The following MBNL2 variants were observed in gnomAD, a reference collection of about 807,000 sequenced individuals.
MBNL2 encodes the protein muscleblind like splicing regulator 2.
Under a neutral mutation model 41.9 loss-of-function variants are expected in MBNL2, and 17 were observed. That is an observed-to-expected ratio of 0.41 (90% CI 0.28 to 0.61). The LOEUF (loss-of-function observed/expected upper bound fraction) is 0.61, where lower values mean the gene tolerates loss of function less well. Among genes scored for constraint, MBNL2 ranks in the 20% least tolerant of loss-of-function variants. The pLI is 0.35. For synonymous variants in MBNL2, 195 were observed against 182.9 expected, an observed-to-expected ratio of 1.07 and a Z score of -0.53; for missense variants, 336 against 505.6, an observed-to-expected ratio of 0.66 and a Z score of 3.22.
intron 2 of MBNL2, among the ~76,000 whole-genome samples, chr13:97,308,087 C>T (rs1218897568): frequency 6.6e-6 from 1 of 152,210 alleles, no homozygotes; most frequent in African/African-American, 2.4e-5. Context: ...TTCCTTGTAT[C>T]ACTCATTAAA....
At chr13:97,236,267 C>T (rs2043256532) in intron 1 of MBNL2, among the ~76,000 whole-genome samples, 1 of 152,138 alleles carries the variant, frequency 6.6e-6, no homozygotes, top group South Asian at 2.1e-4. Context: ...GTGACAGTTG[C>T]TGCAAGAAAA....
chr13:97,356,803 C>A lies in MBNL2; in HGVS notation c.812C>A (p.Ser271Ter). ...GCTGCCTGTTATTAAAAGACTCAGT[C>A]GACTGCCAAAGCAATGAAGCGACCT... ...AAAAATVMTQ[S>*]TAKAMKRPLE... Residue 271 changes from serine to a stop codon, truncating the protein, a stop_gained, in exon 6 of 9, where the codon TCG becomes TAG. Coordinates refer to ENST00000679496, the MANE Select transcript of MBNL2 (RefSeq NM_001382683.1). LOFTEE classifies it high-confidence loss of function. The A allele has an allele frequency of 2.9e-6, 4 of 1,362,760 alleles. No homozygotes were observed. The South Asian group carries it at 4.5e-5, about 15-fold the overall frequency. The allele number at this position is 1,362,760 out of a possible 1,614,324, so 84.4% of individuals were successfully genotyped here. A position where few individuals can be genotyped will look rare whatever the true frequency, so the allele number is the denominator to read the frequency against.
At chr13:97,274,625 C>T (rs2051796338) in intron 1 of MBNL2, among the ~76,000 whole-genome samples, 1 of 152,176 alleles carries the variant, frequency 6.6e-6, no homozygotes, top group Non-Finnish European at 1.5e-5. Context: ...TTTAGAAAGA[C>T]ATCAAGGCTC....
At chr13:97,373,683 G>A (rs2064637352) in intron 8 of MBNL2, among the ~76,000 whole-genome samples, 1 of 151,564 alleles carries the variant, frequency 6.6e-6, no homozygotes, top group Non-Finnish European at 1.5e-5. Context: ...TTGGATCTAT[G>A]AGAACAATAT....
At chr13:97,262,133 G>A (rs6491344) in intron 1 of MBNL2, among the ~76,000 whole-genome samples, 103,966 of 152,142 alleles carry the variant, frequency 0.68, 35,707 homozygotes, top group African/African-American at 0.71. Flanking sequence ...TCAGGATCCC[G>A]CAGGCACCAA....
At chr13:97,230,544 G>A (rs529809677) in intron 1 of MBNL2, among the ~76,000 whole-genome samples, 36 of 152,336 alleles carry the variant, frequency 2.4e-4, no homozygotes, top group Admixed American at 2.2e-3. Context: ...CTCACACCTC[G>A]TGAAAGAAGG....
chr13:97,208,687 C>A, the MBNL2 span, among the ~76,000 whole-genome samples: 16 of 152,252 alleles, frequency 1.1e-4, no homozygotes, highest in African/African-American at 3.6e-4. Context: ...CAAAGATTAT[C>A]CAAAGGTGAG....
chr13:97,208,992 G>A, the MBNL2 span, among the ~76,000 whole-genome samples: 1 of 152,200 alleles, frequency 6.6e-6, no homozygotes, highest in African/African-American at 2.4e-5. Flanking sequence ...TGATCAAACT[G>A]TGAGTGGTTT....
the MBNL2 span, among the ~76,000 whole-genome samples, chr13:97,195,158 C>T: frequency 6.6e-6 from 1 of 152,156 alleles, no homozygotes; most frequent in East Asian, 1.9e-4. Context: ...GCAGCCATAT[C>T]AATCTGGAGG....
Position 97,334,120 on chromosome 13 carries a change from A to G in MBNL2, c.175-156A>G, listed in dbSNP as rs1288362582. ...GTAATGTTTGATTCACTTTTCCCCA[A>G]CAAACACATGAGCATGCGCGCGCAC... is the stretch of plus-strand genomic sequence containing the variant. On this transcript the variant is annotated intron_variant, in intron 2 of 8. Coordinates refer to ENST00000679496, the MANE Select transcript of MBNL2 (RefSeq NM_001382683.1). The surrounding 1 kb of genome is among the most constrained non-coding windows in gnomAD (Gnocchi z 5.3). Among the ~76,000 whole-genome samples, 2 of 148,320 alleles carry G rather than the reference A, an allele frequency of 1.3e-5. No homozygotes were observed. The highest frequency in any genetic ancestry group is 3.9e-4 in the East Asian group (2 of 5,074).
chr13:97,393,367 G>GATTA lies in MBNL2; in HGVS notation c.*1922_*1925dup, dbSNP rs1206501357. The GATTA allele has an allele frequency of 6.6e-6, 1 of 152,080 alleles. No homozygotes were observed. The highest frequency in any genetic ancestry group is 1.5e-5 in the Non-Finnish European group (1 of 67,858). 9.4% of individuals were successfully genotyped at this position (152,080 alleles called of 1,614,324 possible). A position where few individuals can be genotyped will look rare whatever the true frequency, so the allele number is the denominator to read the frequency against. ...TGGGAATCACTGAAATATTTTTGTAGATTAATTGTTGTAACATTGTCTTTC... is the reference window on the plus strand; with the variant it reads ...TGGGAATCACTGAAATATTTTTGTAGATTAATTAATTGTTGTAACATTGTCTTTC... On this transcript the variant is annotated 3_prime_UTR_variant, in exon 9 of 9. Coordinates refer to ENST00000679496, the MANE Select transcript of MBNL2 (RefSeq NM_001382683.1).
At chr13:97,243,846 A>G (rs1272821004) in intron 1 of MBNL2, among the ~76,000 whole-genome samples, 1 of 152,200 alleles carries the variant, frequency 6.6e-6, no homozygotes, top group Non-Finnish European at 1.5e-5. Flanking sequence ...TGGGTAACTG[A>G]GAATTTTATC....
intron 1 of MBNL2, among the ~76,000 whole-genome samples, chr13:97,272,794 A>G (rs75120730): frequency 0.028 from 4,332 of 152,290 alleles, 125 homozygotes; most frequent in African/African-American, 0.072. Flanking sequence ...TCAAAATATC[A>G]TTTGTATATA....
At chr13:97,301,308 CAG>C (rs1212295565) in intron 2 of MBNL2, among the ~76,000 whole-genome samples, 2 of 152,170 alleles carry the variant, frequency 1.3e-5, no homozygotes, top group Non-Finnish European at 2.9e-5. Flanking sequence ...CCTGATATTA[CAG>C]AGAGAGAAAA....
intron 2 of MBNL2, among the ~76,000 whole-genome samples, chr13:97,299,528 G>A (rs773199722): frequency 4.0e-4 from 61 of 152,108 alleles, no homozygotes; most frequent in Non-Finnish European, 7.5e-4. Context: ...AAATACTTGT[G>A]CATTTGAACA....
At chr13:97,161,215 G>A in the MBNL2 span, among the ~76,000 whole-genome samples, 1 of 152,194 alleles carries the variant, frequency 6.6e-6, no homozygotes. Context: ...TTAGCATTGA[G>A]AGGAAATTCA....
chr13:97,214,260 C>G, the MBNL2 span, among the ~76,000 whole-genome samples: 1 of 152,182 alleles, frequency 6.6e-6, no homozygotes, highest in African/African-American at 2.4e-5. Flanking sequence ...CTTTTCGACT[C>G]TTTCCTGGTT....
chr13:97,155,276 A>C, the MBNL2 span, among the ~76,000 whole-genome samples: 1 of 151,970 alleles, frequency 6.6e-6, no homozygotes, highest in Non-Finnish European at 1.5e-5. Context: ...TTTTATATCC[A>C]GGTTTTAAAT....
chr13:97,357,458 T>C (rs1043718408), intron 6 of MBNL2, 24 bp from the exon 7 acceptor site: 4 of 1,606,622 alleles, frequency 2.5e-6, no homozygotes, highest in African/African-American at 2.7e-5. Context: ...GTTAGACATA[T>C]CTTATCGAAT....
Sources: gnomAD v4.1 joint callset for allele counts (sites outside exome capture counted in the v4.1 genomes callset) on GRCh38, gnomAD v4.1.1 for gene constraint, Gnocchi (gnomAD v3.1) non-coding constraint, MANE v1.5 for transcripts, NCBI Gene and HGNC (gene_info 2026-07-23, HGNC 2026-07-21) for gene names.